The following SATB1 variants were observed in gnomAD, a reference collection of about 807,000 sequenced individuals.
The protein encoded by SATB1 is DNA-binding protein SATB1.
SATB1 carries 11 observed loss-of-function variants against 86.9 expected under a neutral mutation model. That is an observed-to-expected ratio of 0.13 (90% CI 0.08 to 0.21). SATB1 has a LOEUF of 0.21. SATB1 is among the 10% of genes least tolerant of loss of function. The pLI is 1.00. For synonymous variants in SATB1, 357 were observed against 357.2 expected, an observed-to-expected ratio of 1.00 and a Z score of 0.01; for missense variants, 551 against 937.6, an observed-to-expected ratio of 0.59 and a Z score of 5.39.
At position 18,394,940 on chromosome 3, in the gene SATB1, C is replaced by T. The variant is rs752214144; in HGVS notation, c.752-24G>A. 2 of 1,495,036 alleles carry T rather than the reference C, an allele frequency of 1.3e-6. No homozygotes were observed. The highest frequency in any genetic ancestry group is 9.0e-7 in the Non-Finnish European group (1 of 1,110,866). 92.6% of individuals were successfully genotyped at this position (1,495,036 alleles called of 1,614,324 possible). On this transcript the variant is annotated intron_variant, in intron 6 of 10. Coordinates refer to ENST00000338745, the MANE Select transcript of SATB1 (RefSeq NM_002971.6). This position sits in a 1 kb window ranked among gnomAD's most constrained non-coding sequence, Gnocchi z 5.9. ...AACTAAAGTGGACAAAGAGTAAAAT[C>T]ACATTCAGCCAACAATGATTGGCAT...
intron 6 of SATB1, among the ~76,000 whole-genome samples, chr3:18,396,709 G>A (rs924649629): frequency 2.6e-5 from 4 of 152,118 alleles, no homozygotes; most frequent in Admixed American, 1.3e-4. Context: ...GCGGCTGGGG[G>A]TTAGAGCTAT....
intron 8 of SATB1, among the ~76,000 whole-genome samples, chr3:18,381,339 A>G (rs1222259975): frequency 6.6e-6 from 1 of 152,232 alleles, no homozygotes; most frequent in Admixed American, 6.5e-5. Flanking sequence ...CTTTTACACA[A>G]GCAAAATTAA....
intron 9 of SATB1, among the ~76,000 whole-genome samples, chr3:18,366,162 C>T (rs568275879): frequency 2.0e-5 from 3 of 152,198 alleles, no homozygotes; most frequent in South Asian, 4.1e-4. Flanking sequence ...AACATTTAAA[C>T]GCGACATTTG....
chr3:18,400,471 G>A (rs1697201841), intron 5 of SATB1, among the ~76,000 whole-genome samples: 1 of 152,150 alleles, frequency 6.6e-6, no homozygotes, highest in African/African-American at 2.4e-5. Flanking sequence ...AATGATAATA[G>A]CATACACCTC....
At position 18,347,645 on chromosome 3, in the gene SATB1, T is replaced by C. The variant is rs1391557359; in HGVS notation, c.*1525A>G. 1 of 152,196 alleles carries C rather than the reference T, an allele frequency of 6.6e-6. No homozygotes were observed. The highest frequency in any genetic ancestry group is 1.5e-5 in the Non-Finnish European group (1 of 68,014). 9.4% of individuals were successfully genotyped at this position (152,196 alleles called of 1,614,324 possible). On this transcript the variant is annotated 3_prime_UTR_variant, in exon 11 of 11. Coordinates refer to ENST00000338745, the MANE Select transcript of SATB1 (RefSeq NM_002971.6). ...TGTGAAATAAGCACAGATGAATCCA[T>C]TCTAACAACATAACTGCTAGAGACT...
At chr3:18,360,565 C>T (rs73175993) in intron 9 of SATB1, among the ~76,000 whole-genome samples, 2,275 of 151,500 alleles carry the variant, frequency 0.015, 54 homozygotes, top group African/African-American at 0.052. Context: ...ACTTGTCTTT[C>T]AAGACACGCT....
Position 18,392,232 on chromosome 3 carries a change from A to G in SATB1, c.1206+2230T>C, listed in dbSNP as rs181759579. 2.1e-3 allele frequency among the ~76,000 whole-genome samples: 315 copies of G among 152,324 alleles called. 1 individual carries two copies. Among genetic ancestry groups the G allele is most frequent in the African/African-American group, 7.1e-3 (297 of 41,566 alleles). On this transcript the variant is annotated intron_variant, in intron 7 of 10. Transcript: ENST00000338745. ...TCACTGTTTTTGATATTAACCACAG[A>G]GATGATTACCTTTTTCAAAGAGATT...
chr3:18,407,007 T>G (rs1460719913), intron 5 of SATB1, among the ~76,000 whole-genome samples: 2 of 152,112 alleles, frequency 1.3e-5, no homozygotes, highest in East Asian at 1.9e-4. Flanking sequence ...ACAATTACAG[T>G]GTACACAGCC....
chr3:18,391,434 T>C (rs1696665762), intron 7 of SATB1, among the ~76,000 whole-genome samples: 1 of 151,958 alleles, frequency 6.6e-6, no homozygotes, highest in South Asian at 2.1e-4. Flanking sequence ...TTGTGCAGGT[T>C]AGTTACATAT....
intron 8 of SATB1, among the ~76,000 whole-genome samples, chr3:18,384,257 G>A (rs1488757735): frequency 2.0e-5 from 3 of 151,998 alleles, no homozygotes; most frequent in Non-Finnish European, 2.9e-5. Flanking sequence ...CATACATACA[G>A]GAAAGTTATC....
chr3:18,370,731 A>T (rs560739176), intron 9 of SATB1, among the ~76,000 whole-genome samples: 3 of 152,038 alleles, frequency 2.0e-5, no homozygotes, highest in Admixed American at 6.5e-5. Context: ...TGGGGCATGC[A>T]TTCTTCCTGT....
chr3:18,399,484 G>A (rs1697139928), intron 5 of SATB1, among the ~76,000 whole-genome samples: 1 of 152,174 alleles, frequency 6.6e-6, no homozygotes, highest in African/African-American at 2.4e-5. Flanking sequence ...CATCCATGGT[G>A]TGTGTGAAAA....
intron 2 of SATB1, chr3:18,417,708 T>C (rs1285208016): frequency 7.2e-6 from 5 of 695,388 alleles, no homozygotes; most frequent in Admixed American, 2.0e-5. Flanking sequence ...ATCTGCATAA[T>C]GTAGAAAAAT....
chr3:18,372,908 T>G (rs1269688455), intron 9 of SATB1, among the ~76,000 whole-genome samples: 1 of 152,208 alleles, frequency 6.6e-6, no homozygotes, highest in East Asian at 1.9e-4. Context: ...CTCCACATCC[T>G]TCTTACTCAA....
chr3:18,379,094 T>C (rs896904135), intron 8 of SATB1, among the ~76,000 whole-genome samples: 11 of 152,216 alleles, frequency 7.2e-5, no homozygotes, highest in Non-Finnish European at 1.3e-4. Flanking sequence ...ATCAGTGACT[T>C]TACTAATATA....
In SATB1 at chr3:18,394,732, G is replaced by C; in HGVS notation, c.936C>G (p.Ile312Met). ...GCTGCTGGTTGACCAATTGAGGACT[G>C]ATAGGTGTTGATACGAGCCCAGGGT... ...NLHPGLVSTP[I>M]SPQLVNQQLV... The change falls in exon 7 of 11, where the codon ATC becomes ATG. Residue 312 changes from isoleucine to methionine, a missense_variant. Ile to Met is a conservative substitution (Grantham distance 10, BLOSUM62 1). This residue lies in a region of SATB1 where 119 missense variants were observed against 171.1 expected (regional missense o/e 0.70). Coordinates refer to ENST00000338745, the MANE Select transcript of SATB1 (RefSeq NM_002971.6). This position sits in a 1 kb window ranked among gnomAD's most constrained non-coding sequence, Gnocchi z 5.9. The C allele has an allele frequency of 6.2e-7, 1 of 1,614,146 alleles. No homozygotes were observed. The highest frequency in any genetic ancestry group is 8.5e-7 in the Non-Finnish European group (1 of 1,180,016).
chr3:18,370,692 C>A (rs926693421), intron 9 of SATB1, among the ~76,000 whole-genome samples: 1 of 151,980 alleles, frequency 6.6e-6, no homozygotes, highest in Non-Finnish European at 1.5e-5. Flanking sequence ...AAATTTGGAC[C>A]TCAAAATGGG....
At chr3:18,364,962 G>GT (rs965286928) in intron 9 of SATB1, among the ~76,000 whole-genome samples, 5 of 152,000 alleles carry the variant, frequency 3.3e-5, no homozygotes, top group Admixed American at 2.0e-4. Context: ...CATTAGAGGT[G>GT]TTTCAGAAGT....
intron 1 of SATB1, among the ~76,000 whole-genome samples, chr3:18,422,342 A>G (rs975227575): frequency 6.6e-6 from 1 of 152,230 alleles, no homozygotes; most frequent in African/African-American, 2.4e-5. Context: ...TTCTTACCAT[A>G]TAATCAAGAA....
Sources: gnomAD v4.1 joint callset for allele counts (sites outside exome capture counted in the v4.1 genomes callset) on GRCh38, gnomAD v4.1.1 for gene constraint, gnomAD v4.1.1 regional missense constraint, Gnocchi (gnomAD v3.1) non-coding constraint, MANE v1.5 for transcripts, NCBI Gene and HGNC (gene_info 2026-07-23, HGNC 2026-07-21) for gene names.